The following SF3A3 variants were observed in gnomAD, a reference collection of about 807,000 sequenced individuals.
The protein encoded by SF3A3 is splicing factor 3a subunit 3.
Under a neutral mutation model 85.8 loss-of-function variants are expected in SF3A3, and 9 were observed. That is an observed-to-expected ratio of 0.10 (90% CI 0.06 to 0.18). SF3A3 has a LOEUF of 0.18. Ranked by LOEUF, SF3A3 falls within the 10% of genes least tolerant of loss-of-function variation. The pLI is 1.00. For missense variants in SF3A3, 306 were observed against 593.3 expected, an observed-to-expected ratio of 0.52 and a Z score of 5.03; for synonymous variants, 195 against 204.4, an observed-to-expected ratio of 0.95 and a Z score of 0.39.
At chr1:37,964,141 T>C (rs543735599) in intron 15 of SF3A3, among the ~76,000 whole-genome samples, 7 of 152,184 alleles carry the variant, frequency 4.6e-5, no homozygotes, top group African/African-American at 1.4e-4. Context: ...ATTGCGCCAC[T>C]GCACTCCAGC....
chr1:37,981,687 C>T, intron 7 of SF3A3, 42 bp downstream of exon 7: 1 of 1,225,622 alleles, frequency 8.2e-7, no homozygotes, highest in Non-Finnish European at 1.2e-6. Flanking sequence ...ACATTATCTT[C>T]TAATCAAATC....
At chr1:37,970,337 AGG>A (rs1646329769) in intron 12 of SF3A3, among the ~76,000 whole-genome samples, 1 of 151,818 alleles carries the variant, frequency 6.6e-6, no homozygotes, top group African/African-American at 2.4e-5. Flanking sequence ...CACACAATAC[AGG>A]AGCACCCAGA....
Position 37,990,018 on chromosome 1 carries a change from C to T in SF3A3, c.-53G>A. ...AGACCACCAACACGGCCGGAAGCAA[C>T]TCCTGCCGCCCAGCGCGCCTGAGTC... is the stretch of plus-strand genomic sequence containing the variant. On this transcript the variant is annotated 5_prime_UTR_variant, in exon 1 of 17. Coordinates refer to ENST00000373019, the MANE Select transcript of SF3A3 (RefSeq NM_006802.4). The T allele has an allele frequency of 7.3e-7, 1 of 1,365,258 alleles. No individual in the cohort carries two copies. The highest frequency in any genetic ancestry group is 1.0e-6 in the Non-Finnish European group (1 of 964,226). 84.6% of individuals were successfully genotyped at this position (1,365,258 alleles called of 1,614,324 possible).
intron 15 of SF3A3, among the ~76,000 whole-genome samples, chr1:37,965,864 A>G (rs1414847283): frequency 1.3e-5 from 2 of 152,184 alleles, no homozygotes; most frequent in Non-Finnish European, 2.9e-5. Flanking sequence ...ACTTCTGTCT[A>G]ATCAGCCAAC....
rs376492539 is a variant in SF3A3, at chr1:37,984,675, T to C, written c.376+32A>G. ...AGCTGTCATTAACCTGTATTTTTGC[T>C]GGTGCTGAATGAAATTTTCACCCCT... is the stretch of plus-strand genomic sequence containing the variant. On this transcript the variant is annotated intron_variant, in intron 5 of 16. Transcript: ENST00000373019. The C allele has an allele frequency of 2.9e-4, 411 of 1,399,144 alleles. 4 individuals are homozygous for C. The highest frequency in any genetic ancestry group is 2.6e-4 in the Non-Finnish European group (256 of 984,266). The allele number at this position is 1,399,144 out of a possible 1,614,324, so 86.7% of individuals were successfully genotyped here. A position where few individuals can be genotyped will look rare whatever the true frequency, so the allele number is the denominator to read the frequency against.
At chr1:37,964,028 A>G (rs1381009670) in intron 15 of SF3A3, among the ~76,000 whole-genome samples, 4 of 151,800 alleles carry the variant, frequency 2.6e-5, no homozygotes, top group Non-Finnish European at 5.9e-5. Flanking sequence ...AAAATACAAA[A>G]ATTAGCTGGG....
At chr1:37,967,909 T>A in intron 15 of SF3A3, 135 bp downstream of exon 15, 1 of 661,406 alleles carries the variant, frequency 1.5e-6, no homozygotes, top group Non-Finnish European at 2.8e-6. Flanking sequence ...ATGCAATAAT[T>A]ATACAACTGT....
At chr1:37,960,856 T>G (rs879786325) in intron 15 of SF3A3, among the ~76,000 whole-genome samples, 9 of 152,046 alleles carry the variant, frequency 5.9e-5, no homozygotes, top group Admixed American at 3.3e-4. Flanking sequence ...GGTTTCACCG[T>G]GTTAGCCAGG....
intron 15 of SF3A3, among the ~76,000 whole-genome samples, chr1:37,966,774 A>G (rs1373167030): frequency 6.7e-6 from 1 of 149,998 alleles, no homozygotes; most frequent in Non-Finnish European, 1.5e-5. Context: ...CGTCTCTACT[A>G]AAAGTACAAA....
At chr1:37,977,024 A>G in intron 11 of SF3A3, 71 bp from the exon 12 acceptor site, 2 of 1,028,198 alleles carry the variant, frequency 1.9e-6, no homozygotes, top group East Asian at 2.4e-5. Flanking sequence ...ATATCTGGGA[A>G]CATTTATTGC....
At chr1:37,965,218 C>A (rs928287956) in intron 15 of SF3A3, among the ~76,000 whole-genome samples, 5 of 140,284 alleles carry the variant, frequency 3.6e-5, no homozygotes, top group African/African-American at 1.3e-4. Flanking sequence ...ATAATCCCAG[C>A]ATTTTGTAGG....
intron 15 of SF3A3, among the ~76,000 whole-genome samples, chr1:37,963,320 A>C (rs1030258699): frequency 1.3e-5 from 2 of 152,056 alleles, no homozygotes; most frequent in African/African-American, 4.8e-5. Flanking sequence ...TCTCAGAAAA[A>C]GAGAGAGAAG....
intron 12 of SF3A3, among the ~76,000 whole-genome samples, chr1:37,970,059 C>A (rs1646327911): frequency 1.3e-5 from 2 of 152,070 alleles, no homozygotes; most frequent in African/African-American, 4.8e-5. Flanking sequence ...AATCCCATCA[C>A]TTTTGGAGGC....
chr1:37,976,772 T>G (rs1646382285), intron 12 of SF3A3, 112 bp downstream of exon 12: 1 of 736,700 alleles, frequency 1.4e-6, no homozygotes, highest in South Asian at 1.6e-5. Flanking sequence ...TACTAGTTTA[T>G]CAGCTATCCA....
intron 12 of SF3A3, among the ~76,000 whole-genome samples, chr1:37,975,401 A>C (rs1290173599): frequency 1.3e-5 from 2 of 152,150 alleles, no homozygotes; most frequent in African/African-American, 2.4e-5. Context: ...CTGTAGTCCC[A>C]GCTACCAGGG....
At chr1:37,971,554 A>C (rs1373846067) in intron 12 of SF3A3, among the ~76,000 whole-genome samples, 2 of 152,180 alleles carry the variant, frequency 1.3e-5, no homozygotes, top group East Asian at 3.8e-4. Flanking sequence ...ACCACAACAA[A>C]AAAAAGAGAA....
chr1:37,982,138 G>A (rs1314977676), intron 6 of SF3A3, among the ~76,000 whole-genome samples: 3 of 152,074 alleles, frequency 2.0e-5, no homozygotes, highest in Admixed American at 1.3e-4. Flanking sequence ...AAAACAAGGT[G>A]CTCAAAGGTG....
intron 14 of SF3A3, 129 bp from the exon 15 acceptor site, chr1:37,968,263 T>C: frequency 1.5e-6 from 1 of 667,352 alleles, no homozygotes; most frequent in East Asian, 2.6e-5. Flanking sequence ...GCATTCCTTT[T>C]GTGATTCATG....
At chr1:37,976,169 A>C (rs1030456224) in intron 12 of SF3A3, among the ~76,000 whole-genome samples, 5 of 151,836 alleles carry the variant, frequency 3.3e-5, no homozygotes, top group Non-Finnish European at 7.4e-5. Context: ...AAAAAAAAAA[A>C]AACTGTACAC....
Sources: gnomAD v4.1 joint callset for allele counts (sites outside exome capture counted in the v4.1 genomes callset) on GRCh38, gnomAD v4.1.1 for gene constraint, MANE v1.5 for transcripts, NCBI Gene and HGNC (gene_info 2026-07-23, HGNC 2026-07-21) for gene names.